Variants in TRIM64C observed in about 807,000 individuals in gnomAD.
TRIM64C encodes tripartite motif-containing protein 64C.
In TRIM64C, 25 loss-of-function variants were observed where a neutral mutation model predicts 36.1. That is an observed-to-expected ratio of 0.69 (90% CI 0.51 to 0.97). The LOEUF (loss-of-function observed/expected upper bound fraction) is 0.97, where lower values mean the gene tolerates loss of function less well. Ranked by LOEUF, TRIM64C falls within the 50% of genes least tolerant of loss-of-function variation. The pLI, the probability that TRIM64C is intolerant of heterozygous loss-of-function variation, is 0.00. For synonymous variants in TRIM64C, 212 were observed against 185.7 expected (o/e 1.14, Z -1.15); for missense variants, 489 against 536.8 (o/e 0.91, Z 0.88).
chr11:49,055,262 CAATAAGGAAAT>C (rs1203215469), intron 5 of TRIM64C, 37 bp downstream of exon 5: 48 of 1,533,216 alleles, frequency 3.1e-5, no homozygotes, highest in Non-Finnish European at 4.1e-5. Context: ...CCAAGGGACC[CAATAAGGAAAT>C]AATTTGAGGC....
chr11:49,054,252 G>A lies in TRIM64C; in HGVS notation c.860-45C>T. 3 of 1,520,454 alleles carry A rather than the reference G, an allele frequency of 2.0e-6. No individual in the cohort carries two copies. The South Asian group carries it at 3.8e-5, about 19-fold the overall frequency. The allele number at this position is 1,520,454 out of a possible 1,614,324, so 94.2% of individuals were successfully genotyped here. A position where few individuals can be genotyped will look rare whatever the true frequency, so the allele number is the denominator to read the frequency against. ...ATATTAGTGAGTGCTATGAGGGACAGAGGCTCTGTGGCCCAATTATTCACT... is the reference window on the plus strand; with the variant it reads ...ATATTAGTGAGTGCTATGAGGGACAAAGGCTCTGTGGCCCAATTATTCACT... On this transcript the variant is annotated intron_variant, in intron 5 of 5. Transcript: ENST00000617704.
rs1172897520 is a variant in TRIM64C at position 49,058,840 on chromosome 11, G to A, written c.273C>T (p.Ile91=). The A allele has an allele frequency of 3.2e-6, 5 of 1,549,442 alleles. No individual in the cohort carries two copies. Among genetic ancestry groups the A allele is most frequent in the African/African-American group, 1.4e-5 (1 of 72,702 alleles). ...CCTTAGTCTCCTCATGGAGCACACA[G>A]ATATTGTCTGAGCTGTTGATGTTCT... The part of the protein sequence containing the change: ...RPQNINSSDN[I]CVLHEETKEL... Residue 91 remains isoleucine (I), a synonymous_variant, in exon 1 of 6, where the codon ATC becomes ATT. Coordinates refer to ENST00000617704, the MANE Select transcript of TRIM64C (RefSeq NM_001206631.1).
At position 49,053,831 on chromosome 11, in the gene TRIM64C, A is replaced by C. The variant is rs1184129351; in HGVS notation, c.1236T>G (p.Asp412Glu). Residue 412 changes from aspartate (D) to glutamate (E), a missense_variant, in exon 6 of 6, where the codon GAT becomes GAG. Physicochemically the swap from Asp to Glu is conservative, Grantham distance 45. Transcript: ENST00000617704. ...AAAAACTCACAGATCCATTATCATA[A>C]TCCAGAAACACCCCAACCCAACCCA... ...RPLGWVGVFL[D>E]YDNGSVSFFD... is the part of the protein sequence containing the mutation. The C allele has an allele frequency of 6.4e-7, 1 of 1,551,758 alleles. No individual in the cohort carries two copies. The highest frequency in any genetic ancestry group is 8.7e-7 in the Non-Finnish European group (1 of 1,146,880).
intron 3 of TRIM64C, 84 bp downstream of exon 3, chr11:49,057,064 A>G: frequency 6.7e-7 from 1 of 1,484,378 alleles, no homozygotes; most frequent in Non-Finnish European, 9.2e-7. Context: ...TAGAGCAGTG[A>G]CATATGCTGA....
intron 3 of TRIM64C, 47 bp from the exon 4 acceptor site, chr11:49,056,428 T>C: frequency 6.9e-7 from 1 of 1,445,228 alleles, no homozygotes; most frequent in Non-Finnish European, 9.5e-7. Flanking sequence ...GATTTTTCCT[T>C]CTGCATCTTT....
chr11:49,056,378 C>A lies in TRIM64C; in HGVS notation c.742G>T (p.Val248Leu). ...ACTCACCTTGCCGATATATTTCCCA[C>A]ATCCTGCAAAAAAAATAAAATGTAA... is the stretch of plus-strand genomic sequence containing the variant. ...HMPDVELLQD[V>L]GNISARTDLA... Residue 248 changes from valine to leucine, a missense_variant, in exon 4 of 6, where the codon GTG (valine) becomes TTG (leucine). By Grantham distance (32) the Val-to-Leu change is conservative. Coordinates refer to ENST00000617704, the MANE Select transcript of TRIM64C (RefSeq NM_001206631.1). The A allele has an allele frequency of 3.2e-6, 5 of 1,541,478 alleles. No individual in the cohort carries two copies. The South Asian group carries it at 6.0e-5, about 19-fold the overall frequency.
intron 3 of TRIM64C, among the ~76,000 whole-genome samples, chr11:49,056,837 G>T (rs1458724936): frequency 6.6e-6 from 1 of 151,866 alleles, no homozygotes; most frequent in African/African-American, 2.4e-5. Context: ...AGGAACTAGG[G>T]CATATACATG....
intron 4 of TRIM64C, among the ~76,000 whole-genome samples, chr11:49,055,943 C>G (rs1161857369): frequency 6.6e-6 from 1 of 152,042 alleles, no homozygotes; most frequent in South Asian, 2.1e-4. Context: ...ATGGAGCAAG[C>G]CCGGGTCATT....
At position 49,059,005 on chromosome 11, in the gene TRIM64C, C is replaced by A. The variant is rs576395806; in HGVS notation, c.108G>T (p.Arg36Ser). Residue 36 changes from arginine to serine, a missense_variant, in exon 1 of 6, where the codon AGG (arginine) becomes AGT (serine). Transcript: ENST00000617704. ...VTTDCVHSFC[R>S]PCLCLCSEEG... The stretch of plus-strand genomic sequence containing the variant: ...CTTCTGAGCAGAGGCAGAGGCAGGG[C>A]CTGCAAAAGCTGTGCACACAGTCAG... The A allele has an allele frequency of 1.9e-6, 3 of 1,551,592 alleles. No homozygotes were observed. Among genetic ancestry groups the A allele is most frequent in the South Asian group, 2.4e-5 (2 of 84,080 alleles).
chr11:49,055,383 C>A lies in TRIM64C; in HGVS notation c.786G>T (p.Lys262Asn), dbSNP rs200258975. The A allele has an allele frequency of 1.2e-5, 18 of 1,530,054 alleles. No homozygotes were observed. The highest frequency in any genetic ancestry group is 1.5e-5 in the Non-Finnish European group (17 of 1,145,862). 94.8% of individuals were successfully genotyped at this position (1,530,054 alleles called of 1,614,324 possible). The change falls in exon 5 of 6, where the codon AAG (lysine) becomes AAT (asparagine). Residue 262 changes from lysine (K) to asparagine (N), a missense_variant. Transcript: ENST00000617704. ...TGAGCTCTGGGTTCACTGGCTGGGGCTTTGGCATCTGTGCCAAATCAGTTC... is the reference window on the plus strand; with the variant it reads ...TGAGCTCTGGGTTCACTGGCTGGGGATTTGGCATCTGTGCCAAATCAGTTC... ...SARTDLAQMP[K>N]PQPVNPELTS...
rs1854846788 is a variant in TRIM64C at position 49,058,833 on chromosome 11, G to A, written c.280C>T (p.Leu94Phe). The change falls in exon 1 of 6, where the codon CTC (leucine) becomes TTC (phenylalanine). Residue 94 changes from leucine (L) to phenylalanine (F), a missense_variant. Leu to Phe is a conservative substitution (Grantham distance 22). Coordinates refer to ENST00000617704, the MANE Select transcript of TRIM64C (RefSeq NM_001206631.1). ...AAGAGCTCCTTAGTCTCCTCATGGA[G>A]CACACAGATATTGTCTGAGCTGTTG... is the stretch of plus-strand genomic sequence containing the variant. Reference protein sequence around the residue: ...NINSSDNICVLHEETKELFCE... With the variant: ...NINSSDNICVFHEETKELFCE... 6.5e-7 allele frequency: 1 copy of A among 1,549,378 alleles called. No homozygotes were observed. The highest frequency in any genetic ancestry group is 8.7e-7 in the Non-Finnish European group (1 of 1,146,862).
chr11:49,057,723 A>G, intron 2 of TRIM64C: 1 of 475,520 alleles, frequency 2.1e-6, no homozygotes, highest in South Asian at 1.8e-5. Context: ...CATATTATGC[A>G]GTATTTTTTT....
Position 49,056,355 on chromosome 11 carries a change from T to C in TRIM64C, c.761+4A>G, listed in dbSNP as rs1854813975. 1 of 1,541,462 alleles carries C rather than the reference T, an allele frequency of 6.5e-7. No homozygotes were observed. Among genetic ancestry groups the C allele is most frequent in the Non-Finnish European group, 8.8e-7 (1 of 1,140,164 alleles). On this transcript the variant is annotated splice_donor_region_variant and intron_variant, in intron 4 of 5. Coordinates refer to ENST00000617704, the MANE Select transcript of TRIM64C (RefSeq NM_001206631.1). ...AAATAGCATTTTTTTTAGTGTAAAC[T>C]CACCTTGCCGATATATTTCCCACAT...
At chr11:49,055,267 A>C (rs760187691) in intron 5 of TRIM64C, 43 bp downstream of exon 5, 5 of 1,534,226 alleles carry the variant, frequency 3.3e-6, no homozygotes, top group Non-Finnish European at 4.4e-6. Context: ...GGACCCAATA[A>C]GGAAATAATT....
Position 49,055,391 on chromosome 11 carries a change from T to C in TRIM64C, c.778A>G (p.Met260Val). Reference protein sequence around the residue: ...NISARTDLAQMPKPQPVNPEL... With the variant: ...NISARTDLAQVPKPQPVNPEL... ...GGGTTCACTGGCTGGGGCTTTGGCATCTGTGCCAAATCAGTTCTGCAAAAA... is the reference window on the plus strand; with the variant it reads ...GGGTTCACTGGCTGGGGCTTTGGCACCTGTGCCAAATCAGTTCTGCAAAAA... The change falls in exon 5 of 6, where the codon ATG becomes GTG. Residue 260 changes from methionine to valine, a missense_variant. Met to Val is a conservative substitution (Grantham distance 21). Transcript: ENST00000617704. 1 of 1,520,246 alleles carries C rather than the reference T, an allele frequency of 6.6e-7. No homozygotes were observed. Among genetic ancestry groups the C allele is most frequent in the Admixed American group, 2.1e-5 (1 of 48,504 alleles). The allele number at this position is 1,520,246 out of a possible 1,614,324, so 94.2% of individuals were successfully genotyped here. A position where few individuals can be genotyped will look rare whatever the true frequency, so the allele number is the denominator to read the frequency against.
Position 49,057,283 on chromosome 11 carries a change from C to G in TRIM64C, c.603G>C (p.Leu201=). The G allele has an allele frequency of 6.5e-7, 1 of 1,549,748 alleles. No homozygotes were observed. Among genetic ancestry groups the G allele is most frequent in the Non-Finnish European group, 8.7e-7 (1 of 1,146,956 alleles). ...GGAAAAGCTCTTTTGCTTCTCTTTCCAGTGCCTGCAGATGCCGTTGCTCCT... is the reference window on the plus strand; with the variant it reads ...GGAAAAGCTCTTTTGCTTCTCTTTCGAGTGCCTGCAGATGCCGTTGCTCCT... ...DEEEQRHLQA[L]EREAKELFQQ... is the part of the protein sequence containing the mutation. The change falls in exon 3 of 6, where the codon CTG becomes CTC. Residue 201 remains leucine, a synonymous_variant. Transcript: ENST00000617704.
Position 49,059,059 on chromosome 11 carries a change from G to A in TRIM64C, c.54C>T (p.Cys18=), listed in dbSNP as rs567605163. The A allele has an allele frequency of 1.2e-4, 181 of 1,552,688 alleles. No homozygotes were observed. The highest frequency in any genetic ancestry group is 2.3e-4 in the South Asian group (19 of 84,170). Residue 18 remains cysteine (C), a synonymous_variant, in exon 1 of 6, where the codon TGC becomes TGT. Coordinates refer to ENST00000617704, the MANE Select transcript of TRIM64C (RefSeq NM_001206631.1). ...TGACCGGGTCTATGAAGTAGTTCAC[G>A]CAAATGCAGCAAATGAGCTCATTCT... is the stretch of plus-strand genomic sequence containing the variant. ...VFQNELICCI[C]VNYFIDPVTT... is the part of the protein sequence containing the mutation.
At chr11:49,056,232 G>A (rs1462401230) in intron 4 of TRIM64C, 127 bp downstream of exon 4, 11 of 700,334 alleles carry the variant, frequency 1.6e-5, no homozygotes, top group Middle Eastern at 4.9e-4. Context: ...AAGATCTCAG[G>A]CCCTCTTTTG....
rs1474796869 is a variant in TRIM64C, at chr11:49,053,763, G to A, written c.1304C>T (p.Ser435Phe). ...AGGCCTCAGAGGGGAAGAGAAGGAG[G>A]AAGGAGGAAAACCATAGATAAGAGA... ...KGSLIYGFPP[S>F]SFSSPLRPFF... The change falls in exon 6 of 6, where the codon TCC becomes TTC. Residue 435 changes from serine to phenylalanine, a missense_variant. Physicochemically the swap from Ser to Phe is radical, Grantham distance 155. Coordinates refer to ENST00000617704, the MANE Select transcript of TRIM64C (RefSeq NM_001206631.1). 3.2e-6 allele frequency: 5 copies of A among 1,550,444 alleles called. No homozygotes were observed. Among genetic ancestry groups the A allele is most frequent in the Admixed American group, 3.9e-5 (2 of 50,874 alleles).
Sources: allele counts gnomAD v4.1 joint callset (sites outside exome capture counted in the v4.1 genomes callset), GRCh38; gene constraint gnomAD v4.1.1; transcripts MANE v1.5; gene names NCBI Gene and HGNC (gene_info 2026-07-23, HGNC 2026-07-21).